LRRC4C: variants seen among roughly 807,000 people sequenced by gnomAD.
LRRC4C encodes the protein leucine rich repeat containing 4C.
In LRRC4C, 5 loss-of-function variants were observed where a neutral mutation model predicts 33.6. The observed-to-expected ratio is 0.15, with a 90% CI of 0.08 to 0.31. The LOEUF (loss-of-function observed/expected upper bound fraction) is 0.31, where lower values mean the gene tolerates loss of function less well. Among genes scored for constraint, LRRC4C ranks in the 10% least tolerant of loss-of-function variants. The pLI, the probability that LRRC4C is intolerant of heterozygous loss-of-function variation, is 1.00. For synonymous variants in LRRC4C, 329 were observed against 302.0 expected (o/e 1.09, Z -0.93); for missense variants, 560 against 796.7 (o/e 0.70, Z 3.58).
intron 1 of LRRC4C, among the ~76,000 whole-genome samples, chr11:41,208,759 C>T (rs1946700130): frequency 6.6e-6 from 1 of 152,176 alleles, no homozygotes; most frequent in African/African-American, 2.4e-5. Context: ...CTACCATAAA[C>T]CAAGCAGACA....
In LRRC4C at chr11:41,031,713, C is replaced by G. The variant is rs184948816; in HGVS notation, c.-495-97990G>C. Among the ~76,000 whole-genome samples the G allele has an allele frequency of 1.6e-3, 248 of 152,142 alleles. 2 individuals are homozygous for G. The highest frequency in any genetic ancestry group is 5.9e-3 in the African/African-American group (244 of 41,532). ...TGGGTAGAAAAGAGAAAGCTAAGAT[C>G]AGGCAAAATTTGGATTCAAATGCCA... is the stretch of plus-strand genomic sequence containing the variant. On this transcript the variant is annotated intron_variant, in intron 1 of 6. Coordinates refer to ENST00000528697, the MANE Select transcript of LRRC4C (RefSeq NM_001258419.2).
chr11:41,371,483 G>T (rs1290917922), intron 1 of LRRC4C, among the ~76,000 whole-genome samples: 1 of 152,138 alleles, frequency 6.6e-6, no homozygotes, highest in Non-Finnish European at 1.5e-5. Context: ...GGTTTAATAT[G>T]TGGAAATCCT....
At chr11:40,758,350 G>A (rs1949042964) in intron 2 of LRRC4C, among the ~76,000 whole-genome samples, 1 of 151,872 alleles carries the variant, frequency 6.6e-6, no homozygotes, top group African/African-American at 2.4e-5. Context: ...ATGACTTGAG[G>A]GTCCTCTCCT....
chr11:40,194,331 A>C (rs190537045), intron 5 of LRRC4C, among the ~76,000 whole-genome samples: 7 of 152,318 alleles, frequency 4.6e-5, no homozygotes, highest in African/African-American at 1.7e-4. Context: ...TTCAACCTAG[A>C]ATTTCACATC....
At chr11:40,158,757 A>G (rs1232124224) in intron 5 of LRRC4C, among the ~76,000 whole-genome samples, 1 of 152,144 alleles carries the variant, frequency 6.6e-6, no homozygotes, top group Non-Finnish European at 1.5e-5. Flanking sequence ...TTAGCAAATG[A>G]AAACATGTTT....
chr11:41,003,993 A>C (rs1225048517), intron 1 of LRRC4C, among the ~76,000 whole-genome samples: 1 of 151,550 alleles, frequency 6.6e-6, no homozygotes, highest in African/African-American at 2.4e-5. Context: ...AATGGGGACA[A>C]GTGTCAAGGA....
At chr11:40,399,564 A>G (rs1361229089) in intron 3 of LRRC4C, among the ~76,000 whole-genome samples, 1 of 152,014 alleles carries the variant, frequency 6.6e-6, no homozygotes. Context: ...GGATAGCATT[A>G]GGAGATATAC....
At chr11:40,850,600 G>A (rs1953433477) in intron 2 of LRRC4C, among the ~76,000 whole-genome samples, 1 of 152,186 alleles carries the variant, frequency 6.6e-6, no homozygotes, top group Non-Finnish European at 1.5e-5. Flanking sequence ...GGAGGCACAG[G>A]GGTCAGGACC....
intron 6 of LRRC4C, among the ~76,000 whole-genome samples, chr11:40,129,288 A>C (rs1590453213): frequency 6.6e-6 from 1 of 152,322 alleles, no homozygotes; most frequent in East Asian, 1.9e-4. Context: ...TTATTTTCAT[A>C]GAAGTTTCTC....
At chr11:41,421,879 C>G (rs372701355) in intron 1 of LRRC4C, among the ~76,000 whole-genome samples, 2 of 151,906 alleles carry the variant, frequency 1.3e-5, no homozygotes, top group African/African-American at 2.4e-5. Flanking sequence ...GGAAGGAGTT[C>G]GAGGGTGTAG....
chr11:40,939,541 C>T (rs1376236641), intron 1 of LRRC4C, among the ~76,000 whole-genome samples: 2 of 151,960 alleles, frequency 1.3e-5, no homozygotes. Context: ...AGTTAACTGC[C>T]CGCTCGGTTT....
chr11:40,846,782 A>G (rs771147685), intron 2 of LRRC4C, among the ~76,000 whole-genome samples: 24 of 152,062 alleles, frequency 1.6e-4, no homozygotes, highest in Non-Finnish European at 2.5e-4. Flanking sequence ...AATTCTTCCT[A>G]TCCATGAGAA....
intron 1 of LRRC4C, among the ~76,000 whole-genome samples, chr11:41,343,593 T>C (rs1951707800): frequency 6.6e-6 from 1 of 152,200 alleles, no homozygotes; most frequent in South Asian, 2.1e-4. Flanking sequence ...CCAACAAATA[T>C]GCTTAGTCTT....
At chr11:41,424,661 T>C (rs1954978838) in intron 1 of LRRC4C, among the ~76,000 whole-genome samples, 1 of 152,004 alleles carries the variant, frequency 6.6e-6, no homozygotes, top group South Asian at 2.1e-4. Context: ...TGACAGAAGA[T>C]ACCAATTTGT....
At chr11:40,711,701 T>G (rs1307455513) in intron 2 of LRRC4C, among the ~76,000 whole-genome samples, 2 of 144,418 alleles carry the variant, frequency 1.4e-5, no homozygotes, top group African/African-American at 2.6e-5. Context: ...AAAAGAAACA[T>G]AATTTGTAGA....
intron 1 of LRRC4C, among the ~76,000 whole-genome samples, chr11:41,133,483 C>CCCCCCCCCCCCCCA (rs1943112936): frequency 8.6e-6 from 1 of 116,468 alleles, no homozygotes; most frequent in Non-Finnish European, 1.9e-5. Context: ...TAATCCCCCC[C>CCCCCCCCCCCCCCA]CCGCCCCCGC....
chr11:40,467,452 A>G (rs1350451995), intron 3 of LRRC4C, among the ~76,000 whole-genome samples: 1 of 152,188 alleles, frequency 6.6e-6, no homozygotes, highest in African/African-American at 2.4e-5. Context: ...ATGGAAAGTC[A>G]TAGCATAACT....
intron 2 of LRRC4C, among the ~76,000 whole-genome samples, chr11:40,746,825 G>C (rs905419435): frequency 2.0e-5 from 3 of 152,110 alleles, no homozygotes; most frequent in Admixed American, 6.5e-5. Context: ...GTGCCTATCT[G>C]TATGTCCCAC....
At chr11:41,092,065 T>TA (rs1940463350) in intron 1 of LRRC4C, among the ~76,000 whole-genome samples, 1 of 152,094 alleles carries the variant, frequency 6.6e-6, no homozygotes, top group African/African-American at 2.4e-5. Flanking sequence ...CCATTTTCAT[T>TA]ATTTTAAGTA....
Sources: gnomAD v4.1 joint callset for allele counts (sites outside exome capture counted in the v4.1 genomes callset) on GRCh38, gnomAD v4.1.1 for gene constraint, MANE v1.5 for transcripts, NCBI Gene and HGNC (gene_info 2026-07-23, HGNC 2026-07-21) for gene names.